The following LRCH3 variants were observed in gnomAD, a reference collection of about 807,000 sequenced individuals.
The protein encoded by LRCH3 is DISP complex protein LRCH3.
LRCH3 carries 68 observed loss-of-function variants against 104.5 expected under a neutral mutation model. That is an observed-to-expected ratio of 0.65 (90% CI 0.54 to 0.80). The LOEUF is 0.80. Among genes scored for constraint, LRCH3 ranks in the 30% least tolerant of loss-of-function variants. The pLI is 0.00. For missense variants in LRCH3, 951 were observed against 953.9 expected (o/e 1.00, Z 0.04); for synonymous variants, 344 against 361.3 (o/e 0.95, Z 0.54).
At chr3:197,862,827 G>A (rs768401619) in intron 15 of LRCH3, among the ~76,000 whole-genome samples, 1 of 152,084 alleles carries the variant, frequency 6.6e-6, no homozygotes, top group Middle Eastern at 3.2e-3. Context: ...CCCGATGAAC[G>A]TGTCTTTTCC....
chr3:197,869,200 T>C (rs2109511186), intron 17 of LRCH3, among the ~76,000 whole-genome samples: 1 of 151,540 alleles, frequency 6.6e-6, no homozygotes, highest in East Asian at 1.9e-4. Context: ...CGATGCACTG[T>C]ACCTGCAGGA....
At chr3:197,792,241 A>G (rs1181948732) in intron 1 of LRCH3, among the ~76,000 whole-genome samples, 2 of 151,806 alleles carry the variant, frequency 1.3e-5, no homozygotes, top group African/African-American at 4.8e-5. Context: ...GACTCCCATT[A>G]GTTTCCTCTT....
intron 19 of LRCH3, among the ~76,000 whole-genome samples, chr3:197,873,620 G>T (rs1712501329): frequency 6.6e-6 from 1 of 152,148 alleles, no homozygotes. Flanking sequence ...TGCTACTCAG[G>T]AAGCTGTGGC....
rs534923077 is a variant in LRCH3, at chr3:197,852,142, C to T, written c.1531-419C>T. On this transcript the variant is annotated intron_variant, in intron 12 of 20. Transcript: ENST00000425562. ...TATTATTAGATTATTAGACATCACACGTTGGAGAAAATAGCCAGTTAGTAT... is the reference window on the plus strand; with the variant it reads ...TATTATTAGATTATTAGACATCACATGTTGGAGAAAATAGCCAGTTAGTAT... Among the ~76,000 whole-genome samples, 5 of 152,274 alleles carry T rather than the reference C, an allele frequency of 3.3e-5. No homozygotes were observed. In the East Asian group the frequency reaches 9.6e-4, roughly 29 times the overall value.
At chr3:197,882,446 A>G in intron 20 of LRCH3, 2 of 953,698 alleles carry the variant, frequency 2.1e-6, no homozygotes, top group Non-Finnish European at 2.5e-6. Context: ...AACTGCCTCA[A>G]AAATACTTGT....
intron 12 of LRCH3, chr3:197,850,870 T>C (rs1035771747): frequency 1.3e-5 from 12 of 955,904 alleles, no homozygotes; most frequent in South Asian, 1.3e-5. Context: ...GTTCCACGAG[T>C]GTTCTTAAAG....
chr3:197,796,219 G>A (rs1731198343), intron 1 of LRCH3, among the ~76,000 whole-genome samples: 1 of 152,210 alleles, frequency 6.6e-6, no homozygotes. Context: ...AGAGGACCAA[G>A]ACACTCCCTG....
chr3:197,886,789 A>G lies in LRCH3; in HGVS notation c.*3123A>G, dbSNP rs1246214751. 1 of 141,936 alleles carries G rather than the reference A, an allele frequency of 7.0e-6. No individual in the cohort carries two copies. Among genetic ancestry groups the G allele is most frequent in the African/African-American group, 2.7e-5 (1 of 37,148 alleles). The allele number at this position is 141,936 out of a possible 1,614,324, so 8.8% of individuals were successfully genotyped here. On this transcript the variant is annotated 3_prime_UTR_variant, in exon 21 of 21. Transcript: ENST00000425562. Reference sequence around the variant, plus strand: ...CACTGCACTCCAGCCTGGGCAACAGAGCGAGACTCTGTCTCAAAAAAAAAA... The same window carrying G: ...CACTGCACTCCAGCCTGGGCAACAGGGCGAGACTCTGTCTCAAAAAAAAAA...
intron 1 of LRCH3, among the ~76,000 whole-genome samples, chr3:197,811,555 A>AG: frequency 6.6e-6 from 1 of 152,160 alleles, no homozygotes; most frequent in Non-Finnish European, 1.5e-5. Context: ...GACCGCCTGG[A>AG]GGAGTTATTA....
rs181388726 is a variant in LRCH3 at position 197,824,106 on chromosome 3, C to T, written c.641-2772C>T. Among the ~76,000 whole-genome samples, 1,250 of 151,982 alleles carry T rather than the reference C, an allele frequency of 8.2e-3. 13 individuals carry two copies. Among genetic ancestry groups the T allele is most frequent in the Non-Finnish European group, 0.011 (780 of 67,974 alleles). Reference sequence around the variant, plus strand: ...TTGAGACAGAGTCTTGCTCTGTCGCCCAGGCTGGAGTGCAGTGGCATGATC... The same window carrying T: ...TTGAGACAGAGTCTTGCTCTGTCGCTCAGGCTGGAGTGCAGTGGCATGATC... On this transcript the variant is annotated intron_variant, in intron 4 of 20. Transcript: ENST00000425562.
At chr3:197,802,928 A>G (rs1732057902) in intron 1 of LRCH3, among the ~76,000 whole-genome samples, 1 of 152,198 alleles carries the variant, frequency 6.6e-6, no homozygotes, top group African/African-American at 2.4e-5. Context: ...AGTTTCAATC[A>G]GAACATTCTC....
intron 1 of LRCH3, among the ~76,000 whole-genome samples, chr3:197,805,034 A>G (rs1006052928): frequency 2.0e-5 from 3 of 152,068 alleles, no homozygotes; most frequent in African/African-American, 7.2e-5. Flanking sequence ...AGCTGAGATT[A>G]CAGGTGCGTG....
chr3:197,879,632 T>A (rs916634448), intron 20 of LRCH3, among the ~76,000 whole-genome samples: 5 of 151,028 alleles, frequency 3.3e-5, no homozygotes, highest in Non-Finnish European at 5.9e-5. Flanking sequence ...AAATAAAAAA[T>A]AAAAAAATAA....
intron 9 of LRCH3, among the ~76,000 whole-genome samples, chr3:197,838,576 G>T (rs1387393120): frequency 6.6e-6 from 1 of 152,158 alleles, no homozygotes; most frequent in African/African-American, 2.4e-5. Context: ...GTTGAAACAA[G>T]ATTGTATTGC....
intron 15 of LRCH3, among the ~76,000 whole-genome samples, chr3:197,865,005 A>AAGAGAGAGAGAGGG (rs1553925697): frequency 2.0e-5 from 3 of 152,082 alleles, no homozygotes; most frequent in African/African-American, 7.2e-5. Flanking sequence ...GTCTCAAAAA[A>AAGAGAGAGAGAGGG]AGAGAGAGAG....
At chr3:197,852,706 G>T in intron 13 of LRCH3, 86 bp downstream of exon 13, 1 of 1,369,208 alleles carries the variant, frequency 7.3e-7, no homozygotes, top group Non-Finnish European at 1.0e-6. Context: ...CATGTTTTCA[G>T]TGCTCGGAAT....
intron 12 of LRCH3, among the ~76,000 whole-genome samples, chr3:197,850,088 G>A (rs900544989): frequency 4.6e-5 from 7 of 152,248 alleles, no homozygotes; most frequent in South Asian, 4.1e-4. Flanking sequence ...AGGGGGGTTC[G>A]TTTTAGGCTG....
At chr3:197,867,853 T>C (rs1208095286) in intron 17 of LRCH3, among the ~76,000 whole-genome samples, 1 of 151,808 alleles carries the variant, frequency 6.6e-6, no homozygotes, top group Non-Finnish European at 1.5e-5. Flanking sequence ...AGACTCCGTT[T>C]CAAAAACAAA....
In LRCH3 at chr3:197,881,076, A is replaced by G. The variant is rs149988225; in HGVS notation, c.2209-2465A>G. 1.4e-4 allele frequency: 148 copies of G among 1,075,282 alleles called. No individual in the cohort carries two copies. The African/African-American group carries it at 2.1e-3, about 15-fold the overall frequency. 66.6% of individuals were successfully genotyped at this position (1,075,282 alleles called of 1,614,324 possible). ...CTTTATTTCCAAGTCACACAATACAACTCCCATCTGGCCATTTTTCCGTGC... is the reference window on the plus strand; with the variant it reads ...CTTTATTTCCAAGTCACACAATACAGCTCCCATCTGGCCATTTTTCCGTGC... On this transcript the variant is annotated intron_variant, in intron 20 of 20. Transcript: ENST00000425562.
Sources: gnomAD v4.1 joint callset for allele counts (sites outside exome capture counted in the v4.1 genomes callset) on GRCh38, gnomAD v4.1.1 for gene constraint, MANE v1.5 for transcripts, NCBI Gene and HGNC (gene_info 2026-07-23, HGNC 2026-07-21) for gene names.